CARD8: variants seen among roughly 807,000 people sequenced by gnomAD.
CARD8 encodes the protein caspase recruitment domain-containing protein 8.
Under a neutral mutation model 53.2 loss-of-function variants are expected in CARD8, and 38 were observed. The observed-to-expected ratio is 0.71, with a 90% CI of 0.55 to 0.94. CARD8 has a LOEUF of 0.94. Among genes scored for constraint, CARD8 ranks in the 40% least tolerant of loss-of-function variants. CARD8 has a pLI of 0.00. For synonymous variants in CARD8, 245 were observed against 244.9 expected, an observed-to-expected ratio of 1.00 and a Z score of 0.00; for missense variants, 561 against 655.5, an observed-to-expected ratio of 0.86 and a Z score of 1.57.
chr19:48,214,653 G>A (rs1269366561), intron 13 of CARD8, among the ~76,000 whole-genome samples: 1 of 151,868 alleles, frequency 6.6e-6, no homozygotes, highest in Non-Finnish European at 1.5e-5. Context: ...CCCCGGAAGT[G>A]TGCCAACATA....
intron 5 of CARD8, among the ~76,000 whole-genome samples, chr19:48,235,213 G>A (rs1006373856): frequency 6.6e-6 from 1 of 152,098 alleles, no homozygotes; most frequent in Non-Finnish European, 1.5e-5. Context: ...TTGAAGGCTT[G>A]GTGCTGTCCT....
intron 10 of CARD8, among the ~76,000 whole-genome samples, chr19:48,222,358 C>T (rs557977443): frequency 2.0e-5 from 3 of 152,252 alleles, no homozygotes; most frequent in East Asian, 1.9e-4. Context: ...GTCACCTCTG[C>T]GAGGCCCAGC....
At position 48,238,700 on chromosome 19, in the gene CARD8, T is replaced by C. The variant is rs144410596; in HGVS notation, c.60-168A>G. On this transcript the variant is annotated intron_variant, in intron 4 of 13. Coordinates refer to ENST00000651546, the MANE Select transcript of CARD8 (RefSeq NM_001184900.3). ...CCTTAGAGATATCCATCCTTAGACA[T>C]GCCCATCCATAGAGATGCCATCCTT... is the stretch of plus-strand genomic sequence containing the variant. 9.2e-5 allele frequency among the ~76,000 whole-genome samples: 14 copies of C among 152,106 alleles called. No homozygotes were observed. The East Asian group carries it at 2.7e-3, about 29-fold the overall frequency.
intron 13 of CARD8, among the ~76,000 whole-genome samples, chr19:48,214,390 C>T (rs376432179): frequency 4.6e-5 from 7 of 152,344 alleles, no homozygotes; most frequent in East Asian, 1.9e-4. Flanking sequence ...ACACCTGAAA[C>T]TGGTGATCAG....
At chr19:48,240,762 C>T (rs1410655138) in intron 4 of CARD8, among the ~76,000 whole-genome samples, 200 bp downstream of exon 4, 2 of 135,408 alleles carry the variant, frequency 1.5e-5, no homozygotes, top group East Asian at 4.1e-4. Flanking sequence ...AAACAAGACT[C>T]TGTGTCAAAA....
chr19:48,228,686 T>C (rs971337609), intron 10 of CARD8, among the ~76,000 whole-genome samples: 5 of 152,050 alleles, frequency 3.3e-5, no homozygotes, highest in Non-Finnish European at 7.4e-5. Flanking sequence ...GCATTTCCAA[T>C]GTGGGGGCCA....
In CARD8 at chr19:48,241,049, T is replaced by C. The variant is rs775222032; in HGVS notation, c.-29A>G. The C allele has an allele frequency of 6.0e-6, 9 of 1,511,202 alleles. No homozygotes were observed. The South Asian group carries it at 1.1e-4, about 18-fold the overall frequency. The allele number at this position is 1,511,202 out of a possible 1,614,324, so 93.6% of individuals were successfully genotyped here. A position where few individuals can be genotyped will look rare whatever the true frequency, so the allele number is the denominator to read the frequency against. On this transcript the variant is annotated 5_prime_UTR_variant, in exon 4 of 14. Coordinates refer to ENST00000651546, the MANE Select transcript of CARD8 (RefSeq NM_001184900.3). The stretch of plus-strand genomic sequence containing the variant: ...TCAAATGTGGTATTTATGTCTTTAC[T>C]GTATCTTTTTTACCCTGAAAAAATA...
chr19:48,248,963 C>G (rs1009119255), intron 3 of CARD8, among the ~76,000 whole-genome samples: 1 of 152,134 alleles, frequency 6.6e-6, no homozygotes, highest in African/African-American at 2.4e-5. Flanking sequence ...TTTGGGAGGC[C>G]GAGGCGGGCG....
intron 6 of CARD8, chr19:48,232,713 C>T (rs546599977): frequency 2.7e-5 from 18 of 668,968 alleles, no homozygotes; most frequent in South Asian, 1.1e-4. Flanking sequence ...ATATCACTCA[C>T]GGCTATAACA....
chr19:48,234,651 ATC>A, intron 5 of CARD8, 108 bp from the exon 6 acceptor site: 1 of 1,019,136 alleles, frequency 9.8e-7, no homozygotes. Flanking sequence ...TCAATATTTT[ATC>A]TTAGGGAAGT....
intron 10 of CARD8, among the ~76,000 whole-genome samples, chr19:48,227,926 G>C (rs2042112770): frequency 6.6e-6 from 1 of 152,146 alleles, no homozygotes; most frequent in Admixed American, 6.5e-5. Context: ...TGTGTGAGCT[G>C]TTAGGAATCG....
chr19:48,237,351 C>A (rs148900599), intron 5 of CARD8, among the ~76,000 whole-genome samples: 1 of 152,106 alleles, frequency 6.6e-6, no homozygotes, highest in Non-Finnish European at 1.5e-5. Flanking sequence ...TAAGAAGCCA[C>A]TTATCACCAA....
intron 5 of CARD8, 86 bp downstream of exon 5, chr19:48,238,297 T>C (rs1356032361): frequency 3.4e-6 from 5 of 1,462,082 alleles, no homozygotes; most frequent in Non-Finnish European, 3.6e-6. Flanking sequence ...ATAACCTGCA[T>C]GTCTTTGCTT....
intron 11 of CARD8, 45 bp downstream of exon 11, chr19:48,221,685 T>C: frequency 2.1e-6 from 3 of 1,427,476 alleles, no homozygotes; most frequent in East Asian, 2.4e-5. Context: ...TTCAGAAATA[T>C]AAAACACTCT....
chr19:48,248,534 T>C (rs1441586062), intron 3 of CARD8, among the ~76,000 whole-genome samples: 1 of 152,202 alleles, frequency 6.6e-6, no homozygotes, highest in Non-Finnish European at 1.5e-5. Context: ...ACAACCACTA[T>C]CAGTTATCAT....
Position 48,208,319 on chromosome 19 carries a change from G to C in CARD8, c.*3391C>G, listed in dbSNP as rs2037518421. 1 of 152,066 alleles carries C rather than the reference G, an allele frequency of 6.6e-6. No homozygotes were observed. The highest frequency in any genetic ancestry group is 2.1e-4 in the South Asian group (1 of 4,820). 9.4% of individuals were successfully genotyped at this position (152,066 alleles called of 1,614,324 possible). A position where few individuals can be genotyped will look rare whatever the true frequency, so the allele number is the denominator to read the frequency against. On this transcript the variant is annotated 3_prime_UTR_variant, in exon 14 of 14. Coordinates refer to ENST00000651546, the MANE Select transcript of CARD8 (RefSeq NM_001184900.3). ...CCCCAACTTGAGCATTCATTGCGCT[G>C]GTCCTAATTCACATTCAAACGCCCT...
At chr19:48,232,533 C>T (rs2146286755) in intron 6 of CARD8, 40 bp from the exon 7 acceptor site, 2 of 1,500,558 alleles carry the variant, frequency 1.3e-6, no homozygotes, top group Non-Finnish European at 1.8e-6. Context: ...AGATGAAAAA[C>T]ATCAAGAATC....
At chr19:48,204,351 G>A (rs1311827095), downstream of CARD8, 1 of 356,938 alleles carries the variant, frequency 2.8e-6, no homozygotes, top group Non-Finnish European at 5.6e-6. Context: ...CTGCAGTAAG[G>A]GGAGTTGGGG....
intron 10 of CARD8, among the ~76,000 whole-genome samples, chr19:48,229,648 T>G (rs578238695): frequency 3.3e-5 from 5 of 152,308 alleles, no homozygotes; most frequent in Admixed American, 1.3e-4. Context: ...TTTATCCAGG[T>G]GCACAGCAGC....
Sources: gnomAD v4.1 joint callset for allele counts (sites outside exome capture counted in the v4.1 genomes callset) on GRCh38, gnomAD v4.1.1 for gene constraint, MANE v1.5 for transcripts, NCBI Gene and HGNC (gene_info 2026-07-23, HGNC 2026-07-21) for gene names.